Variants in CFAP20DC observed in about 807,000 individuals in gnomAD.
CFAP20DC encodes CFAP20 domain containing, also known as protein CFAP20DC.
CFAP20DC carries 84 observed loss-of-function variants against 101.7 expected under a neutral mutation model. The ratio of observed to expected loss-of-function variants is 0.83; its 90% CI spans 0.69 to 0.99. The LOEUF is 0.99. Ranked by LOEUF, CFAP20DC falls within the 50% of genes least tolerant of loss-of-function variation. The pLI is 0.00. For synonymous variants in CFAP20DC, 359 were observed against 351.2 expected (o/e 1.02, Z -0.25); for missense variants, 1,007 against 970.3 (o/e 1.04, Z -0.50).
At chr3:58,895,919 T>C (rs2082633148) in intron 6 of CFAP20DC, among the ~76,000 whole-genome samples, 2 of 152,290 alleles carry the variant, frequency 1.3e-5, no homozygotes, top group African/African-American at 2.4e-5. Context: ...TCAGATCTTG[T>C]GAGACTTATT....
intron 4 of CFAP20DC, among the ~76,000 whole-genome samples, chr3:58,983,111 T>C (rs2092630967): frequency 6.6e-6 from 1 of 152,190 alleles, no homozygotes; most frequent in Non-Finnish European, 1.5e-5. Context: ...ATAATGATGG[T>C]ACTTGAGACA....
At chr3:58,987,499 G>A (rs1053524037) in intron 4 of CFAP20DC, among the ~76,000 whole-genome samples, 4 of 151,888 alleles carry the variant, frequency 2.6e-5, no homozygotes, top group African/African-American at 9.7e-5. Context: ...AATTGAAATG[G>A]AAACTTTGAG....
intron 7 of CFAP20DC, among the ~76,000 whole-genome samples, chr3:58,884,117 A>G (rs1332380227): frequency 1.3e-5 from 2 of 152,230 alleles, no homozygotes; most frequent in Middle Eastern, 3.4e-3. Flanking sequence ...GAAAGGCAAC[A>G]CTGGCTAGAA....
chr3:58,758,675 C>T (rs2069200574), intron 15 of CFAP20DC, among the ~76,000 whole-genome samples: 1 of 152,118 alleles, frequency 6.6e-6, no homozygotes, highest in Non-Finnish European at 1.5e-5. Context: ...TCTCCTAATG[C>T]TATCCCTCCC....
chr3:58,822,097 A>T (rs1575765371), intron 14 of CFAP20DC, among the ~76,000 whole-genome samples: 1 of 130,862 alleles, frequency 7.6e-6, no homozygotes, highest in East Asian at 2.5e-4. Context: ...TTGAACAATG[A>T]GATCACATGG....
intron 4 of CFAP20DC, among the ~76,000 whole-genome samples, chr3:59,035,062 G>T (rs2094071520): frequency 1.3e-5 from 2 of 152,096 alleles, no homozygotes; most frequent in Non-Finnish European, 2.9e-5. Flanking sequence ...ACAACTACAT[G>T]GAAACTGAAC....
intron 4 of CFAP20DC, among the ~76,000 whole-genome samples, chr3:58,983,785 T>C (rs1461671763): frequency 6.6e-6 from 1 of 152,204 alleles, no homozygotes; most frequent in Non-Finnish European, 1.5e-5. Context: ...CCCCATGGGA[T>C]ATGTCCTTTT....
In CFAP20DC at chr3:58,728,547, G is replaced by A. The variant is rs182691357; in HGVS notation, c.198-10919C>T. ...ACATGGCCTTAGGATGAAATGGAAG[G>A]CAGGCACAGATTGGGTCAGTTGATT... On this transcript the variant is annotated intron_variant, in intron 3 of 3. Coordinates refer to the CFAP20DC transcript ENST00000486145. The surrounding 1 kb of genome is among the most constrained non-coding windows in gnomAD (Gnocchi z 4.7). 4.6e-5 allele frequency among the ~76,000 whole-genome samples: 7 copies of A among 152,284 alleles called. No individual in the cohort carries two copies. Among genetic ancestry groups the A allele is most frequent in the Non-Finnish European group, 7.4e-5 (5 of 68,024 alleles).
chr3:59,030,655 C>T (rs28584265), intron 4 of CFAP20DC, among the ~76,000 whole-genome samples: 16 of 152,134 alleles, frequency 1.1e-4, no homozygotes, highest in African/African-American at 3.1e-4. Flanking sequence ...CAACACCCCT[C>T]GAAATGTTTT....
chr3:58,825,635 A>C (rs1392881537), intron 14 of CFAP20DC, among the ~76,000 whole-genome samples: 1 of 152,136 alleles, frequency 6.6e-6, no homozygotes, highest in East Asian at 1.9e-4. Context: ...ACTAACTCCT[A>C]GTGCCCTTCC....
At chr3:59,022,869 C>A (rs1288164355) in intron 4 of CFAP20DC, among the ~76,000 whole-genome samples, 1 of 151,964 alleles carries the variant, frequency 6.6e-6, no homozygotes, top group Non-Finnish European at 1.5e-5. Context: ...TGTGGTGTTC[C>A]ATAGCTTTAG....
At chr3:58,744,461 A>C (rs566542494) in intron 16 of CFAP20DC, among the ~76,000 whole-genome samples, 1 of 152,324 alleles carries the variant, frequency 6.6e-6, no homozygotes, top group South Asian at 2.1e-4. Flanking sequence ...AAGACTAATA[A>C]AAAATTTAAA....
In CFAP20DC at chr3:58,849,423, C is replaced by A; in HGVS notation, c.1594-14G>T. On this transcript the variant is annotated splice_polypyrimidine_tract_variant and intron_variant, in intron 12 of 16. Transcript: ENST00000482387. ...ACTGTGGTTACCCTATGTTGGGGAA[C>A]AAAGTAAAAATAATTTTGAGCAGAA... The A allele has an allele frequency of 2.0e-6, 3 of 1,482,216 alleles. No individual in the cohort carries two copies. Among genetic ancestry groups the A allele is most frequent in the Non-Finnish European group, 1.8e-6 (2 of 1,124,742 alleles). The allele number at this position is 1,482,216 out of a possible 1,614,324, so 91.8% of individuals were successfully genotyped here. A position where few individuals can be genotyped will look rare whatever the true frequency, so the allele number is the denominator to read the frequency against.
intron 4 of CFAP20DC, chr3:58,953,582 A>T: frequency 6.6e-6 from 1 of 152,184 alleles, no homozygotes; most frequent in South Asian, 2.1e-4. Context: ...TGGGGGGAAA[A>T]CAAAATCATG....
In CFAP20DC at chr3:58,882,938, G is replaced by A. The variant is rs1392869056; in HGVS notation, c.715+1607C>T. ...ACTGCTTATTTATACATAGTCATCTGCAGGATTTATACTGAAAAGGTTACC... is the reference window on the plus strand; with the variant it reads ...ACTGCTTATTTATACATAGTCATCTACAGGATTTATACTGAAAAGGTTACC... On this transcript the variant is annotated intron_variant, in intron 7 of 16. Transcript: ENST00000482387. The surrounding 1 kb of genome is among the most constrained non-coding windows in gnomAD (Gnocchi z 4.2). Among the ~76,000 whole-genome samples, 2 of 152,156 alleles carry A rather than the reference G, an allele frequency of 1.3e-5. No homozygotes were observed. Among genetic ancestry groups the A allele is most frequent in the African/African-American group, 4.8e-5 (2 of 41,448 alleles).
intron 15 of CFAP20DC, among the ~76,000 whole-genome samples, chr3:58,806,020 T>G (rs1188774341): frequency 1.3e-5 from 2 of 152,170 alleles, no homozygotes; most frequent in Non-Finnish European, 2.9e-5. Context: ...CCTATTAAAA[T>G]AAAATAGTTA....
rs1661308457 is a variant in CFAP20DC, at chr3:58,742,111, T to C, written c.*349A>G. ...ACATTTTCTGTACATCAAGCCATCA[T>C]TTACAGATTAACACTGCAAAAAATT... On this transcript the variant is annotated 3_prime_UTR_variant, in exon 17 of 17. Coordinates refer to ENST00000482387, the MANE Select transcript of CFAP20DC (RefSeq NM_001394063.1). 5.2e-6 allele frequency: 5 copies of C among 958,386 alleles called. No homozygotes were observed. The highest frequency in any genetic ancestry group is 6.2e-6 in the Non-Finnish European group (5 of 804,368). 59.4% of individuals were successfully genotyped at this position (958,386 alleles called of 1,614,324 possible). A position where few individuals can be genotyped will look rare whatever the true frequency, so the allele number is the denominator to read the frequency against.
In CFAP20DC at chr3:58,884,681, A is replaced by C. The variant is rs776833028; in HGVS notation, c.579T>G (p.Asp193Glu). 6.1e-5 allele frequency: 98 copies of C among 1,613,594 alleles called. No individual in the cohort carries two copies. The highest frequency in any genetic ancestry group is 8.3e-5 in the Non-Finnish European group (98 of 1,179,748). ...TTCGTGGTATAATATCTGTAGGCTC[A>C]TCTGTTGAAAAGGGAACACCATAGA... ...DAVYGVPFSTDEPTDIIPRSC... is the reference protein window; with the variant it reads ...DAVYGVPFSTEEPTDIIPRSC... Residue 193 changes from aspartate (D) to glutamate (E), a missense_variant, in exon 7 of 17, where the codon GAT becomes GAG. By Grantham distance (45) the Asp-to-Glu change is conservative (BLOSUM62 2). Coordinates refer to ENST00000482387, the MANE Select transcript of CFAP20DC (RefSeq NM_001394063.1).
intron 4 of CFAP20DC, among the ~76,000 whole-genome samples, chr3:59,003,291 G>C (rs2093356553): frequency 6.6e-6 from 1 of 152,158 alleles, no homozygotes; most frequent in Non-Finnish European, 1.5e-5. Flanking sequence ...CTATTAAACA[G>C]AAACAACTTA....
Sources: allele counts gnomAD v4.1 joint callset (sites outside exome capture counted in the v4.1 genomes callset), GRCh38; gene constraint gnomAD v4.1.1; non-coding constraint Gnocchi (gnomAD v3.1); transcripts MANE v1.5; gene names NCBI Gene and HGNC (gene_info 2026-07-23, HGNC 2026-07-21).